The following PARVA variants were observed in gnomAD, a reference collection of about 807,000 sequenced individuals.
The protein encoded by PARVA is parvin alpha, also known as alpha-parvin.
In PARVA, 25 loss-of-function variants were observed where a neutral mutation model predicts 52.6. The observed-to-expected ratio is 0.48, with a 90% CI of 0.35 to 0.66. The LOEUF (loss-of-function observed/expected upper bound fraction) is 0.66. PARVA is among the 30% of genes least tolerant of loss of function. PARVA has a pLI of 0.01. For missense variants in PARVA, 373 were observed against 450.9 expected (o/e 0.83, Z 1.56); for synonymous variants, 185 against 179.1 (o/e 1.03, Z -0.26).
At chr11:12,394,170 G>T (rs58419220) in intron 1 of PARVA, among the ~76,000 whole-genome samples, 1 of 152,060 alleles carries the variant, frequency 6.6e-6, no homozygotes, top group South Asian at 2.1e-4. Context: ...TTGGTTCCAC[G>T]TCCAAGGCCA....
chr11:12,507,977 T>C (rs1182908748), intron 6 of PARVA, among the ~76,000 whole-genome samples: 1 of 150,512 alleles, frequency 6.6e-6, no homozygotes, highest in African/African-American at 2.5e-5. Context: ...GACAGATGGA[T>C]GGATGGATGG....
intron 6 of PARVA, among the ~76,000 whole-genome samples, chr11:12,507,581 G>A (rs1256059525): frequency 6.6e-6 from 1 of 152,104 alleles, no homozygotes; most frequent in South Asian, 2.1e-4. Context: ...TCCTCCCATT[G>A]AAATAACCCC....
intron 4 of PARVA, among the ~76,000 whole-genome samples, chr11:12,493,024 C>CAA (rs1443869835): frequency 6.6e-6 from 1 of 151,864 alleles, no homozygotes; most frequent in Non-Finnish European, 1.5e-5. Context: ...AAGCCAATAG[C>CAA]AAAAATATAT....
chr11:12,440,293 G>C (rs1321463925), intron 1 of PARVA, among the ~76,000 whole-genome samples: 1 of 152,114 alleles, frequency 6.6e-6, no homozygotes, highest in Non-Finnish European at 1.5e-5. Context: ...GCAGTCATAT[G>C]TCATCACAGA....
intron 1 of PARVA, among the ~76,000 whole-genome samples, chr11:12,456,468 G>C (rs1268358267): frequency 6.6e-6 from 1 of 151,884 alleles, no homozygotes; most frequent in African/African-American, 2.4e-5. Flanking sequence ...GATCCATTAG[G>C]GAACCTGTTC....
intron 1 of PARVA, among the ~76,000 whole-genome samples, chr11:12,435,792 G>T (rs544675942): frequency 0.021 from 3,131 of 148,266 alleles, 78 homozygotes; most frequent in African/African-American, 0.062. Flanking sequence ...CTGTTTTTTT[G>T]TTGTTGTTGT....
At chr11:12,499,042 G>A (rs1941334660) in intron 5 of PARVA, among the ~76,000 whole-genome samples, 1 of 152,152 alleles carries the variant, frequency 6.6e-6, no homozygotes, top group Non-Finnish European at 1.5e-5. Context: ...TATCCTTTTA[G>A]GATGTTTCCC....
At chr11:12,488,230 T>C (rs1354936588) in intron 4 of PARVA, among the ~76,000 whole-genome samples, 1 of 152,074 alleles carries the variant, frequency 6.6e-6, no homozygotes, top group Non-Finnish European at 1.5e-5. Context: ...GTTTCAGAGG[T>C]CCTAATTAAT....
chr11:12,526,348 C>G (rs938147158), intron 12 of PARVA, among the ~76,000 whole-genome samples: 77 of 152,298 alleles, frequency 5.1e-4, no homozygotes, highest in Non-Finnish European at 7.3e-4. Context: ...CTGACACCTT[C>G]CCCCACCCCT....
At chr11:12,516,258 T>C (rs1200434548) in intron 10 of PARVA, among the ~76,000 whole-genome samples, 3 of 152,162 alleles carry the variant, frequency 2.0e-5, no homozygotes, top group African/African-American at 7.2e-5. Context: ...GCTCCTAAGG[T>C]GATTCCAAGA....
intron 1 of PARVA, 38 bp downstream of exon 1, chr11:12,377,821 C>T: frequency 6.9e-7 from 1 of 1,448,282 alleles, no homozygotes; most frequent in Non-Finnish European, 9.1e-7. Context: ...GCGGTAGGAG[C>T]CGGGGGTGCC....
chr11:12,386,319 T>G (rs1939571371), intron 1 of PARVA, among the ~76,000 whole-genome samples: 1 of 152,224 alleles, frequency 6.6e-6, no homozygotes, highest in Admixed American at 6.5e-5. Flanking sequence ...ACATGTCATT[T>G]TCTTTCACAT....
intron 9 of PARVA, chr11:12,513,744 C>CTA: frequency 3.4e-6 from 2 of 591,486 alleles, no homozygotes; most frequent in South Asian, 3.9e-5. Context: ...GACACTCCAC[C>CTA]TATCATTCTG....
At chr11:12,495,270 G>T (rs940530952) in intron 4 of PARVA, among the ~76,000 whole-genome samples, 2 of 152,126 alleles carry the variant, frequency 1.3e-5, no homozygotes, top group Non-Finnish European at 2.9e-5. Context: ...AAAAAAATTC[G>T]CAAATCCACA....
At chr11:12,514,493 G>C (rs1941545285) in intron 10 of PARVA, among the ~76,000 whole-genome samples, 1 of 152,158 alleles carries the variant, frequency 6.6e-6, no homozygotes, top group African/African-American at 2.4e-5. Flanking sequence ...TTTCTGTTTT[G>C]TTTTGTTTTT....
At chr11:12,397,602 C>T (rs75026714) in intron 1 of PARVA, among the ~76,000 whole-genome samples, 5 of 152,100 alleles carry the variant, frequency 3.3e-5, no homozygotes, top group African/African-American at 1.2e-4. Context: ...AGAATTCAGT[C>T]TTGAAAAGAG....
At chr11:12,519,592 G>A (rs1412074336) in intron 12 of PARVA, among the ~76,000 whole-genome samples, 1 of 152,202 alleles carries the variant, frequency 6.6e-6, no homozygotes, top group Non-Finnish European at 1.5e-5. Context: ...GATGGAGACA[G>A]TGGGGCTCAA....
chr11:12,482,902 C>T (rs1941107517), intron 4 of PARVA, among the ~76,000 whole-genome samples: 1 of 152,214 alleles, frequency 6.6e-6, no homozygotes, highest in African/African-American at 2.4e-5. Flanking sequence ...ACAGCCAAAC[C>T]ATATTAGGCA....
intron 1 of PARVA, among the ~76,000 whole-genome samples, chr11:12,387,506 G>GGAT: frequency 6.6e-6 from 1 of 151,996 alleles, no homozygotes; most frequent in Non-Finnish European, 1.5e-5. Context: ...CTTTAACCTT[G>GGAT]GATGACTCTT....
Sources: gnomAD v4.1 joint callset for allele counts (sites outside exome capture counted in the v4.1 genomes callset) on GRCh38, gnomAD v4.1.1 for gene constraint, MANE v1.5 for transcripts, NCBI Gene and HGNC (gene_info 2026-07-23, HGNC 2026-07-21) for gene names.